The following PDLIM5 variants were observed in gnomAD, a reference collection of about 807,000 sequenced individuals.
PDLIM5 encodes PDZ and LIM domain protein 5.
Under a neutral mutation model 64.2 loss-of-function variants are expected in PDLIM5, and 34 were observed. The ratio of observed to expected loss-of-function variants is 0.53; its 90% CI spans 0.40 to 0.71. PDLIM5 has a LOEUF of 0.71. Among genes scored for constraint, PDLIM5 ranks in the 30% least tolerant of loss-of-function variants. The pLI is 0.00. For missense variants in PDLIM5, 683 were observed against 733.6 expected (o/e 0.93, Z 0.80); for synonymous variants, 253 against 269.1 (o/e 0.94, Z 0.59).
chr4:94,495,064 C>G (rs549308755), intron 2 of PDLIM5, among the ~76,000 whole-genome samples: 1 of 152,068 alleles, frequency 6.6e-6, no homozygotes, highest in African/African-American at 2.4e-5. Flanking sequence ...TTTATATATT[C>G]GTCACTGAAT....
At chr4:94,494,817 C>T (rs946245306) in intron 2 of PDLIM5, among the ~76,000 whole-genome samples, 10 of 151,996 alleles carry the variant, frequency 6.6e-5, no homozygotes, top group East Asian at 3.9e-4. Context: ...GGTGCAATCT[C>T]GGCTCACTGC....
intron 3 of PDLIM5, among the ~76,000 whole-genome samples, chr4:94,553,451 A>G (rs1409258673): frequency 6.6e-6 from 1 of 152,194 alleles, no homozygotes; most frequent in Non-Finnish European, 1.5e-5. Flanking sequence ...TCCTTTTGCG[A>G]TAGTACTTCT....
chr4:94,641,495 T>C (rs906621403), intron 9 of PDLIM5, among the ~76,000 whole-genome samples: 7 of 152,166 alleles, frequency 4.6e-5, no homozygotes, highest in African/African-American at 1.4e-4. Context: ...AGTTTTTTTG[T>C]TTGTTTGTTT....
intron 7 of PDLIM5, chr4:94,587,568 G>A: frequency 3.2e-6 from 3 of 945,894 alleles, no homozygotes; most frequent in South Asian, 4.9e-5. Context: ...AATATAAGGA[G>A]GCAAGAATAA....
chr4:94,564,448 G>T (rs1052159111), intron 3 of PDLIM5, among the ~76,000 whole-genome samples: 8 of 151,940 alleles, frequency 5.3e-5, no homozygotes, highest in African/African-American at 1.9e-4. Flanking sequence ...TTGCTATTTG[G>T]ACTGCCAGGA....
Position 94,664,761 on chromosome 4 carries a change from T to G in PDLIM5, c.*694T>G, listed in dbSNP as rs1578572618. 1 of 193,440 alleles carries G rather than the reference T, an allele frequency of 5.2e-6. No homozygotes were observed. Among genetic ancestry groups the G allele is most frequent in the African/African-American group, 2.4e-5 (1 of 42,102 alleles). The allele number at this position is 193,440 out of a possible 1,614,324, so 12.0% of individuals were successfully genotyped here. ...GGCACGCGCCTGTAATCCCAGCTAC[T>G]CAAGAGGCTGAGGCACGAGAATCAC... On this transcript the variant is annotated 3_prime_UTR_variant, in exon 13 of 13. Transcript: ENST00000317968.
At chr4:94,571,413 C>G (rs1338373159) in intron 3 of PDLIM5, among the ~76,000 whole-genome samples, 1 of 152,174 alleles carries the variant, frequency 6.6e-6, no homozygotes, top group Middle Eastern at 3.2e-3. Context: ...TGGGCTGAGG[C>G]ACTGGTATAT....
chr4:94,468,760 T>C (rs943779306), intron 2 of PDLIM5, among the ~76,000 whole-genome samples: 1 of 152,190 alleles, frequency 6.6e-6, no homozygotes, highest in Admixed American at 6.5e-5. Flanking sequence ...TTAGGAGAAG[T>C]GGGTAAATTC....
chr4:94,608,254 GA>G (rs1738085926), intron 7 of PDLIM5: 4 of 983,242 alleles, frequency 4.1e-6, no homozygotes, highest in Non-Finnish European at 5.8e-6. Flanking sequence ...GTTTGAAAAA[GA>G]AAAAATGATT....
At chr4:94,537,718 G>A (rs1307024468) in intron 3 of PDLIM5, among the ~76,000 whole-genome samples, 2 of 152,080 alleles carry the variant, frequency 1.3e-5, no homozygotes, top group African/African-American at 4.8e-5. Flanking sequence ...AATCTTAATA[G>A]CAACTTATTA....
At chr4:94,566,733 T>C (rs1302546581) in intron 3 of PDLIM5, among the ~76,000 whole-genome samples, 1 of 152,188 alleles carries the variant, frequency 6.6e-6, no homozygotes, top group Non-Finnish European at 1.5e-5. Context: ...GGGAACTCTG[T>C]CTCTTTAGGG....
intron 7 of PDLIM5, chr4:94,587,568 G>T: frequency 1.1e-6 from 1 of 945,894 alleles, no homozygotes; most frequent in Non-Finnish European, 1.3e-6. Context: ...AATATAAGGA[G>T]GCAAGAATAA....
chr4:94,534,154 A>G (rs1731121581), intron 3 of PDLIM5, among the ~76,000 whole-genome samples: 1 of 152,208 alleles, frequency 6.6e-6, no homozygotes, highest in South Asian at 2.1e-4. Flanking sequence ...TCTTAGAGGA[A>G]CGATGCAAAT....
intron 3 of PDLIM5, among the ~76,000 whole-genome samples, chr4:94,533,741 A>G (rs1029423769): frequency 6.6e-6 from 1 of 152,244 alleles, no homozygotes; most frequent in African/African-American, 2.4e-5. Context: ...TCTTCAGTTA[A>G]TAAGTGAGTA....
chr4:94,508,683 A>T (rs1728607794), intron 2 of PDLIM5, among the ~76,000 whole-genome samples: 1 of 152,230 alleles, frequency 6.6e-6, no homozygotes, highest in Admixed American at 6.5e-5. Flanking sequence ...ACAATCTGTT[A>T]TAAAGAATAA....
chr4:94,585,829 C>G (rs1736145496), intron 6 of PDLIM5, 92 bp downstream of exon 6: 4 of 948,676 alleles, frequency 4.2e-6, no homozygotes, highest in Middle Eastern at 2.3e-4. Flanking sequence ...GAAAACAACC[C>G]CGAGACAGTT....
chr4:94,551,464 T>TA (rs1399507682), intron 3 of PDLIM5, among the ~76,000 whole-genome samples: 1 of 152,116 alleles, frequency 6.6e-6, no homozygotes, highest in African/African-American at 2.4e-5. Flanking sequence ...CCCTGTAACT[T>TA]TATTGAGTTT....
intron 5 of PDLIM5, among the ~76,000 whole-genome samples, chr4:94,581,414 A>T (rs1735721541): frequency 6.6e-6 from 1 of 152,048 alleles, no homozygotes; most frequent in Non-Finnish European, 1.5e-5. Flanking sequence ...TACATCTAAA[A>T]CTCAACTCTG....
At chr4:94,617,849 A>T (rs1286413282) in intron 7 of PDLIM5, among the ~76,000 whole-genome samples, 155 bp from the exon 8 acceptor site, 1 of 152,060 alleles carries the variant, frequency 6.6e-6, no homozygotes. Context: ...TTTTAAAGAG[A>T]GGCAATCCCT....
Sources: allele counts gnomAD v4.1 joint callset (sites outside exome capture counted in the v4.1 genomes callset), GRCh38; gene constraint gnomAD v4.1.1; transcripts MANE v1.5; gene names NCBI Gene and HGNC (gene_info 2026-07-23, HGNC 2026-07-21).